CANX: variants seen among roughly 807,000 people sequenced by gnomAD.
CANX encodes calnexin, also known as epididymis secretory sperm binding protein.
CANX carries 14 observed loss-of-function variants against 75.7 expected under a neutral mutation model. That is an observed-to-expected ratio of 0.19 (90% CI 0.12 to 0.29). CANX has a LOEUF of 0.29. Among genes scored for constraint, CANX ranks in the 10% least tolerant of loss-of-function variants. The pLI is 1.00. For synonymous variants in CANX, 227 were observed against 236.9 expected (o/e 0.96, Z 0.38); for missense variants, 567 against 713.2 (o/e 0.79, Z 2.34).
At chr5:179,714,030 T>A (rs4526069) in intron 7 of CANX, among the ~76,000 whole-genome samples, 1 of 151,952 alleles carries the variant, frequency 6.6e-6, no homozygotes, top group Non-Finnish European at 1.5e-5. Context: ...TGGGAGTCTC[T>A]CTCTGTTGCC....
intron 1 of CANX, among the ~76,000 whole-genome samples, chr5:179,690,884 C>G (rs1776289137): frequency 6.7e-6 from 1 of 150,158 alleles, no homozygotes; most frequent in African/African-American, 2.5e-5. Flanking sequence ...GTGAGACTCT[C>G]TCAAAAAAAA....
chr5:179,696,298 C>CA (rs1776403428), upstream of CANX, among the ~76,000 whole-genome samples: 3 of 99,590 alleles, frequency 3.0e-5, no homozygotes, highest in Admixed American at 1.6e-4. Flanking sequence ...TTTTTGGAGA[C>CA]AGAGTCTGGC....
At chr5:179,724,150 C>T (rs1196976947) in intron 12 of CANX, among the ~76,000 whole-genome samples, 11 of 152,102 alleles carry the variant, frequency 7.2e-5, no homozygotes, top group African/African-American at 2.4e-4. Context: ...TTTGATTCCT[C>T]ATTATCCATT....
intron 4 of CANX, among the ~76,000 whole-genome samples, chr5:179,707,508 C>T (rs565801517): frequency 3.4e-5 from 5 of 145,520 alleles, no homozygotes; most frequent in East Asian, 2.1e-4. Context: ...GGTGTGAACC[C>T]GGGAGGCCAA....
intron 1 of CANX, among the ~76,000 whole-genome samples, chr5:179,683,422 C>T (rs926450583): frequency 1.3e-4 from 20 of 152,084 alleles, no homozygotes; most frequent in South Asian, 1.2e-3. Flanking sequence ...TGTGAGCCAC[C>T]GCGCCCGGCC....
chr5:179,723,610 G>T, intron 11 of CANX, 50 bp from the exon 12 acceptor site: 2 of 1,603,116 alleles, frequency 1.2e-6, no homozygotes, highest in Non-Finnish European at 1.7e-6. Flanking sequence ...CACGGCCTAT[G>T]TTTGGTGTCA....
chr5:179,695,803 A>T (rs1006569556), upstream of CANX, among the ~76,000 whole-genome samples: 5 of 151,198 alleles, frequency 3.3e-5, no homozygotes, highest in Admixed American at 3.3e-4. Flanking sequence ...GGCGCCCGCC[A>T]CTGCGCCCGG....
At chr5:179,695,143 G>A (rs181331344), upstream of CANX, among the ~76,000 whole-genome samples, 46 of 151,992 alleles carry the variant, frequency 3.0e-4, no homozygotes, top group East Asian at 6.4e-3. Context: ...TCCGCCTCCC[G>A]GGTTCACGCC....
chr5:179,709,729 TA>T, intron 6 of CANX, 143 bp from the exon 7 acceptor site: 1 of 544,726 alleles, frequency 1.8e-6, no homozygotes, highest in Non-Finnish European at 3.2e-6. Context: ...TCCTTTTTAC[TA>T]AACAAACTTG....
At chr5:179,703,557 C>G (rs1324184393) in intron 1 of CANX, among the ~76,000 whole-genome samples, 1 of 152,100 alleles carries the variant, frequency 6.6e-6, no homozygotes, top group African/African-American at 2.4e-5. Context: ...CCTACCTTAG[C>G]CTTCTTAGTA....
chr5:179,678,794 A>G (rs1775970476), intron 1 of CANX: 2 of 1,536,930 alleles, frequency 1.3e-6, no homozygotes, highest in Non-Finnish European at 1.7e-6. Context: ...GTTCTCCTCC[A>G]GCAACACTTG....
chr5:179,701,562 T>TC (rs1324123467), intron 1 of CANX, among the ~76,000 whole-genome samples: 2 of 151,142 alleles, frequency 1.3e-5, no homozygotes, highest in East Asian at 2.0e-4. Context: ...AGAGTGAGAC[T>TC]CCATCTCAGG....
upstream of CANX, among the ~76,000 whole-genome samples, chr5:179,696,366 C>T (rs1413924121): frequency 1.3e-4 from 19 of 149,848 alleles, no homozygotes; most frequent in Admixed American, 7.3e-4. Flanking sequence ...ACCTCTGCCT[C>T]CCGGGTTCAA....
intron 1 of CANX, among the ~76,000 whole-genome samples, chr5:179,685,880 A>G (rs1201588488): frequency 6.6e-6 from 1 of 151,078 alleles, no homozygotes; most frequent in African/African-American, 2.4e-5. Context: ...TAGTAGAGAC[A>G]GGGTTTCACC....
intron 7 of CANX, among the ~76,000 whole-genome samples, chr5:179,712,113 AG>A (rs1474687111): frequency 6.9e-6 from 1 of 144,912 alleles, no homozygotes; most frequent in Non-Finnish European, 1.5e-5. Context: ...CCAAAAAAAA[AG>A]GTGTTTTTTT....
chr5:179,688,061 C>CTT (rs76113200), intron 1 of CANX, among the ~76,000 whole-genome samples: 3 of 136,374 alleles, frequency 2.2e-5, no homozygotes, highest in Non-Finnish European at 3.2e-5. Context: ...AGTCAGTATT[C>CTT]TTTTTTTTTT....
chr5:179,706,175 A>G (rs1371196869), intron 2 of CANX, 83 bp from the exon 3 acceptor site: 1 of 825,902 alleles, frequency 1.2e-6, no homozygotes, highest in East Asian at 2.6e-5. Context: ...GACAGTTGAA[A>G]GCAAACCAGG....
At chr5:179,689,546 C>T (rs1198983920) in intron 1 of CANX, among the ~76,000 whole-genome samples, 1 of 151,980 alleles carries the variant, frequency 6.6e-6, no homozygotes, top group Non-Finnish European at 1.5e-5. Flanking sequence ...CGCCACAATG[C>T]TTGGCTAATT....
At chr5:179,684,939 T>A (rs1232411911) in intron 1 of CANX, among the ~76,000 whole-genome samples, 1 of 136,000 alleles carries the variant, frequency 7.4e-6, no homozygotes, top group Non-Finnish European at 1.6e-5. Context: ...TTTTTTTTTT[T>A]TTTTTTTTTT....
Sources: allele counts gnomAD v4.1 joint callset (sites outside exome capture counted in the v4.1 genomes callset), GRCh38; gene constraint gnomAD v4.1.1; transcripts MANE v1.5; gene names NCBI Gene and HGNC (gene_info 2026-07-23, HGNC 2026-07-21).